Variants in ARHGAP23 observed in about 807,000 individuals in gnomAD.
ARHGAP23 encodes rho GTPase-activating protein 23.
ARHGAP23 carries 34 observed loss-of-function variants against 136.3 expected under a neutral mutation model. That is an observed-to-expected ratio of 0.25 (90% confidence interval 0.19 to 0.33). The LOEUF (loss-of-function observed/expected upper bound fraction) is 0.33, where lower values mean the gene tolerates loss of function less well. Ranked by LOEUF, ARHGAP23 falls within the 10% of genes least tolerant of loss-of-function variation. The pLI is 1.00. For synonymous variants in ARHGAP23, 832 were observed against 920.5 expected, an observed-to-expected ratio of 0.90 and a Z score of 1.74; for missense variants, 1,808 against 2,139.0, an observed-to-expected ratio of 0.85 and a Z score of 3.05.
At position 38,510,376 on chromosome 17, in the gene ARHGAP23, G is replaced by T; in HGVS notation, c.3880G>T (p.Gly1294Cys). The T allele has an allele frequency of 8.0e-7, 1 of 1,245,464 alleles. No homozygotes were observed. Among genetic ancestry groups the T allele is most frequent in the Non-Finnish European group, 1.0e-6 (1 of 995,920 alleles). The allele number at this position is 1,245,464 out of a possible 1,614,324, so 77.2% of individuals were successfully genotyped here. A position where few individuals can be genotyped will look rare whatever the true frequency, so the allele number is the denominator to read the frequency against. Residue 1294 changes from glycine to cysteine, a missense_variant, in exon 24 of 24, where the codon GGC (glycine) becomes TGC (cysteine). Physicochemically the swap from Gly to Cys is radical, Grantham distance 159 (BLOSUM62 -3). Around this residue, in one of 7 missense-constraint regions of ARHGAP23, gnomAD observed 506 missense variants for 455.8 expected, o/e 1.11. Coordinates refer to ENST00000622683, the MANE Select transcript of ARHGAP23 (RefSeq NM_001199417.2). The surrounding 1 kb of genome is among the most constrained non-coding windows in gnomAD (Gnocchi z 4.6). ...HVETDTEGAA[G>C]AGPGGRLTRR... ...GGAGACGGACACTGAGGGCGCGGCG[G>T]GCGCGGGGCCTGGGGGGCGCCTGAC...
At chr17:38,439,423 C>G (rs2038872770) in intron 1 of ARHGAP23, among the ~76,000 whole-genome samples, 1 of 152,226 alleles carries the variant, frequency 6.6e-6, no homozygotes, top group Admixed American at 6.5e-5. Flanking sequence ...GTCTTGTTCA[C>G]TGCTCTATAT....
chr17:38,430,368 C>T (rs1054863358), intron 1 of ARHGAP23, among the ~76,000 whole-genome samples: 2 of 151,968 alleles, frequency 1.3e-5, no homozygotes, highest in African/African-American at 4.8e-5. Context: ...CCAGCCCAAG[C>T]AGAGAAGGAC....
At chr17:38,448,645 T>TG (rs2039087737) in intron 1 of ARHGAP23, among the ~76,000 whole-genome samples, 1 of 146,564 alleles carries the variant, frequency 6.8e-6, no homozygotes, top group Non-Finnish European at 1.5e-5. Flanking sequence ...TGGGGAGTTT[T>TG]TTTTTTTTTT....
upstream of ARHGAP23, among the ~76,000 whole-genome samples, chr17:38,425,897 A>C (rs2038564907): frequency 6.6e-6 from 1 of 151,732 alleles, no homozygotes. Context: ...AGAGAGCCGC[A>C]CTTTCTGGGA....
At chr17:38,487,480 C>T (rs2040185400) in intron 17 of ARHGAP23, among the ~76,000 whole-genome samples, 1 of 152,306 alleles carries the variant, frequency 6.6e-6, no homozygotes, top group South Asian at 2.1e-4. Context: ...GTGTCAATTG[C>T]ACTCTGAGAA....
upstream of ARHGAP23, among the ~76,000 whole-genome samples, chr17:38,423,560 A>C (rs1346879085): frequency 6.6e-6 from 1 of 151,940 alleles, no homozygotes; most frequent in Non-Finnish European, 1.5e-5. Context: ...TTTAGTAGAG[A>C]TGGGATTTCA....
At chr17:38,481,932 C>T (rs867727517) in intron 14 of ARHGAP23, 90 bp from the exon 15 acceptor site, 12 of 1,322,182 alleles carry the variant, frequency 9.1e-6, no homozygotes, top group Middle Eastern at 2.7e-4. Context: ...GATGGAATCC[C>T]CATACGTCCA....
Position 38,469,505 on chromosome 17 carries a change from G to A in ARHGAP23, c.1805-19G>A, listed in dbSNP as rs58502413. On this transcript the variant is annotated intron_variant, in intron 8 of 23. Transcript: ENST00000622683. Reference sequence around the variant, plus strand: ...TGCTGCCCCGCTGACCCTGAGGCCCGATGTGGGCGGCTTTGCAGGCAGCAT... The same window carrying A: ...TGCTGCCCCGCTGACCCTGAGGCCCAATGTGGGCGGCTTTGCAGGCAGCAT... 88,753 of 1,545,402 alleles carry A rather than the reference G, an allele frequency of 0.057. 2,962 individuals carry two copies. The highest frequency in any genetic ancestry group is 0.085 in the Middle Eastern group (371 of 4,356).
intron 1 of ARHGAP23, among the ~76,000 whole-genome samples, chr17:38,452,996 C>T (rs2039214075): frequency 6.6e-6 from 1 of 152,184 alleles, no homozygotes; most frequent in Non-Finnish European, 1.5e-5. Flanking sequence ...GGCTGTCACT[C>T]TGTGCAGGGC....
At chr17:38,465,134 C>T (rs948649678) in intron 6 of ARHGAP23, among the ~76,000 whole-genome samples, 3 of 151,388 alleles carry the variant, frequency 2.0e-5, no homozygotes, top group Non-Finnish European at 2.9e-5. Context: ...CTGCCGCCGC[C>T]GTGATGATGC....
intron 8 of ARHGAP23, 97 bp from the exon 9 acceptor site, chr17:38,469,427 A>G: frequency 6.8e-7 from 1 of 1,462,392 alleles, no homozygotes; most frequent in South Asian, 1.3e-5. Flanking sequence ...GCCCCTTGGG[A>G]GAGTCACCTC....
At chr17:38,469,793 G>C in intron 9 of ARHGAP23, 54 bp from the exon 10 acceptor site, 1 of 1,545,516 alleles carries the variant, frequency 6.5e-7, no homozygotes, top group East Asian at 2.4e-5. Flanking sequence ...TGACGAGATA[G>C]TGAGGTCCCA....
chr17:38,471,461 G>A (rs761911927), intron 10 of ARHGAP23, among the ~76,000 whole-genome samples: 1 of 152,136 alleles, frequency 6.6e-6, no homozygotes, highest in Non-Finnish European at 1.5e-5. Context: ...TTAACTCCTC[G>A]TGGACATGAC....
intron 20 of ARHGAP23, among the ~76,000 whole-genome samples, chr17:38,494,887 G>A (rs2040357146): frequency 6.6e-6 from 1 of 152,206 alleles, no homozygotes; most frequent in African/African-American, 2.4e-5. Context: ...CCACCCGGGC[G>A]CTTCCTGTAG....
At chr17:38,488,856 TTTTAATTTTATTTTTA>T (rs1236391344) in intron 17 of ARHGAP23, among the ~76,000 whole-genome samples, 16 of 150,228 alleles carry the variant, frequency 1.1e-4, no homozygotes, top group Non-Finnish European at 1.9e-4. Flanking sequence ...GCCTAACAAT[TTTTAATTTTATTTTTA>T]TTTAATTTTA....
intron 2 of ARHGAP23, 113 bp from the exon 3 acceptor site, chr17:38,460,792 G>T: frequency 6.5e-7 from 1 of 1,533,304 alleles, no homozygotes; most frequent in South Asian, 1.2e-5. Context: ...GGGCTACTTG[G>T]GAGGAGATAA....
intron 17 of ARHGAP23, among the ~76,000 whole-genome samples, chr17:38,487,942 C>A (rs2040193801): frequency 6.6e-6 from 1 of 152,030 alleles, no homozygotes; most frequent in South Asian, 2.1e-4. Flanking sequence ...TGCTCTGTTG[C>A]CCAGACTGGA....
chr17:38,424,274 C>T (rs943097025), upstream of ARHGAP23, among the ~76,000 whole-genome samples: 7 of 152,148 alleles, frequency 4.6e-5, no homozygotes, highest in African/African-American at 1.7e-4. Flanking sequence ...TTGGCACCTG[C>T]TCCTCAACCC....
At chr17:38,497,072 G>C (rs2040408928) in intron 20 of ARHGAP23, among the ~76,000 whole-genome samples, 1 of 151,974 alleles carries the variant, frequency 6.6e-6, no homozygotes, top group African/African-American at 2.4e-5. Flanking sequence ...CTTGTGTTTT[G>C]CTGCTGAAAG....
Sources: allele counts gnomAD v4.1 joint callset (sites outside exome capture counted in the v4.1 genomes callset), GRCh38; gene constraint gnomAD v4.1.1; regional missense constraint gnomAD v4.1.1; non-coding constraint Gnocchi (gnomAD v3.1); transcripts MANE v1.5; gene names NCBI Gene and HGNC (gene_info 2026-07-23, HGNC 2026-07-21).